RBMS2: variants seen among roughly 807,000 people sequenced by gnomAD.
RBMS2 encodes RNA-binding motif, single-stranded-interacting protein 2.
A neutral mutation model predicts 58.4 loss-of-function variants in RBMS2; 38 were observed. That is an observed-to-expected ratio of 0.65 (90% CI 0.50 to 0.85). The LOEUF is 0.85. Among genes scored for constraint, RBMS2 ranks in the 40% least tolerant of loss-of-function variants. RBMS2 has a pLI of 0.00. For synonymous variants in RBMS2, 151 were observed against 180.7 expected, an observed-to-expected ratio of 0.84 and a Z score of 1.32; for missense variants, 367 against 503.7, an observed-to-expected ratio of 0.73 and a Z score of 2.60.
intron 7 of RBMS2, 55 bp downstream of exon 7, chr12:56,581,563 A>G: frequency 6.6e-7 from 1 of 1,518,528 alleles, no homozygotes; most frequent in East Asian, 2.3e-5. Context: ...TGGAACGGAA[A>G]TGATCATGGC....
intron 1 of RBMS2, among the ~76,000 whole-genome samples, chr12:56,536,530 T>TTTCTCTCTTTCTC (rs1434052669): frequency 2.1e-5 from 3 of 143,278 alleles, no homozygotes; most frequent in Non-Finnish European, 4.6e-5. Context: ...CCTTCTTTCT[T>TTTCTCTCTTTCTC]TTCTCTCTTT....
intron 1 of RBMS2, among the ~76,000 whole-genome samples, chr12:56,530,838 C>T (rs529082156): frequency 5.3e-5 from 8 of 152,112 alleles, no homozygotes; most frequent in African/African-American, 1.2e-4. Flanking sequence ...TGCTTAATTC[C>T]GGAATGGCCT....
At chr12:56,587,267 C>CAA (rs1237199645) in intron 10 of RBMS2, among the ~76,000 whole-genome samples, 1 of 120,104 alleles carries the variant, frequency 8.3e-6, no homozygotes, top group African/African-American at 3.1e-5. Context: ...AACTCCGTCT[C>CAA]AAAAAAAAAA....
chr12:56,536,256 G>T (rs1282870669), intron 1 of RBMS2, among the ~76,000 whole-genome samples: 4 of 150,304 alleles, frequency 2.7e-5, no homozygotes, highest in African/African-American at 9.8e-5. Flanking sequence ...GGCGAGGCAG[G>T]CAGAGTACCT....
chr12:56,557,495 G>A (rs991714423), intron 1 of RBMS2, among the ~76,000 whole-genome samples: 10 of 152,076 alleles, frequency 6.6e-5, no homozygotes, highest in African/African-American at 2.4e-4. Context: ...AGAGCAAAAA[G>A]CCTAAAGAAT....
intron 1 of RBMS2, among the ~76,000 whole-genome samples, chr12:56,550,835 C>A (rs1388503167): frequency 6.7e-6 from 1 of 149,402 alleles, no homozygotes; most frequent in Non-Finnish European, 1.5e-5. Flanking sequence ...GAGCAAGACT[C>A]TGTATCAAAA....
intron 1 of RBMS2, 96 bp downstream of exon 1, chr12:56,522,185 G>T: frequency 3.0e-6 from 3 of 983,658 alleles, no homozygotes; most frequent in Non-Finnish European, 4.6e-6. Flanking sequence ...AGGGGAAGGG[G>T]CTTCCTCTCT....
intron 1 of RBMS2, among the ~76,000 whole-genome samples, chr12:56,543,221 G>A (rs1250411240): frequency 3.4e-5 from 5 of 148,036 alleles, no homozygotes; most frequent in East Asian, 2.3e-4. Flanking sequence ...AGTGGCTCAC[G>A]CCTGTAATCC....
chr12:56,562,696 T>G (rs1351393103), intron 2 of RBMS2, 113 bp downstream of exon 2: 10 of 1,212,334 alleles, frequency 8.2e-6, no homozygotes, highest in Non-Finnish European at 1.2e-5. Context: ...CAAGTGATCC[T>G]CCTGTCTCAG....
At chr12:56,546,766 G>A (rs1415464990) in intron 1 of RBMS2, among the ~76,000 whole-genome samples, 2 of 152,118 alleles carry the variant, frequency 1.3e-5, no homozygotes, top group Non-Finnish European at 2.9e-5. Context: ...ACCACACCTG[G>A]CCCTGTGTGG....
rs974814316 is a variant in RBMS2, at chr12:56,567,035, CCTTTGCAATTATTT to C, written c.234-1939_234-1926del. On this transcript the variant is annotated intron_variant, in intron 2 of 13. Coordinates refer to ENST00000262031, the MANE Select transcript of RBMS2 (RefSeq NM_002898.4). ...TCCTATAGGATAGTAAAGCCACTAA[CCTTTGCAATTATTT>C]TATCTACTGCACAGAAATAATTTGC... Among the ~76,000 whole-genome samples, 51 of 152,242 alleles carry C rather than the reference CCTTTGCAATTATTT, an allele frequency of 3.3e-4. 2 individuals are homozygous for C. The highest frequency in any genetic ancestry group is 2.9e-3 in the Admixed American group (45 of 15,268).
chr12:56,588,663 G>T (rs1201594297), intron 12 of RBMS2: 3 of 589,768 alleles, frequency 5.1e-6, no homozygotes, highest in African/African-American at 1.9e-5. Context: ...GACTTGGTCT[G>T]AGTTCATGAA....
At chr12:56,588,875 T>C (rs376319243) in intron 12 of RBMS2, 57 bp from the exon 13 acceptor site, 9 of 1,553,164 alleles carry the variant, frequency 5.8e-6, no homozygotes, top group Non-Finnish European at 8.0e-6. Context: ...CAGGCTGCTG[T>C]AGTGGAGGTG....
chr12:56,525,461 A>G (rs1326031740), intron 1 of RBMS2, among the ~76,000 whole-genome samples: 1 of 152,046 alleles, frequency 6.6e-6, no homozygotes, highest in Non-Finnish European at 1.5e-5. Flanking sequence ...GCCTCAAGCA[A>G]TCTGCCTGCC....
rs996723612 is a variant in RBMS2 at position 56,591,535 on chromosome 12, CTTTTGT to C, written c.*2408_*2413del. ...TAGAGGGCTCTGGCTGGGCAGATAG[CTTTTGT>C]TTTTGAGTCTCCAGCCCTCAGTCAA... is the stretch of plus-strand genomic sequence containing the variant. On this transcript the variant is annotated 3_prime_UTR_variant, in exon 14 of 14. Transcript: ENST00000262031. 15 of 152,252 alleles carry C rather than the reference CTTTTGT, an allele frequency of 9.9e-5. No homozygotes were observed. Among genetic ancestry groups the C allele is most frequent in the African/African-American group, 2.6e-4 (11 of 41,536 alleles). The allele number at this position is 152,252 out of a possible 1,614,324, so 9.4% of individuals were successfully genotyped here. A position where few individuals can be genotyped will look rare whatever the true frequency, so the allele number is the denominator to read the frequency against.
chr12:56,534,824 G>A (rs1874453682), intron 1 of RBMS2, among the ~76,000 whole-genome samples: 1 of 152,008 alleles, frequency 6.6e-6, no homozygotes, highest in African/African-American at 2.4e-5. Context: ...TGTATTTTTA[G>A]TAGACACAGA....
chr12:56,568,844 A>G, intron 2 of RBMS2, 131 bp from the exon 3 acceptor site: 1 of 782,964 alleles, frequency 1.3e-6, no homozygotes. Context: ...TTTCTTTTTT[A>G]TTTTTATGAA....
intron 9 of RBMS2, among the ~76,000 whole-genome samples, chr12:56,584,256 A>T (rs960177050): frequency 6.6e-6 from 1 of 151,316 alleles, no homozygotes; most frequent in African/African-American, 2.4e-5. Context: ...ACATGGCAAA[A>T]CCCCTGTCCC....
At chr12:56,587,934 C>G (rs1018613694) in intron 11 of RBMS2, among the ~76,000 whole-genome samples, 1 of 152,138 alleles carries the variant, frequency 6.6e-6, no homozygotes, top group Admixed American at 6.5e-5. Context: ...GATACACACA[C>G]GTCCTAGGAA....
Sources: gnomAD v4.1 joint callset for allele counts (sites outside exome capture counted in the v4.1 genomes callset) on GRCh38, gnomAD v4.1.1 for gene constraint, MANE v1.5 for transcripts, NCBI Gene and HGNC (gene_info 2026-07-23, HGNC 2026-07-21) for gene names.